Variants in TMEM132D observed in about 807,000 individuals in gnomAD.
TMEM132D encodes mature OL transmembrane protein.
TMEM132D carries 21 observed loss-of-function variants against 62.3 expected under a neutral mutation model. The ratio of observed to expected loss-of-function variants is 0.34; its 90% confidence interval spans 0.24 to 0.49. TMEM132D has a LOEUF of 0.49. Among genes scored for constraint, TMEM132D ranks in the 20% least tolerant of loss-of-function variants. The probability of loss-of-function intolerance (pLI) is 0.99; values close to 1 mark genes in which losing one functional copy is unlikely to be tolerated. For synonymous variants in TMEM132D, 621 were observed against 575.6 expected, an observed-to-expected ratio of 1.08 and a Z score of -1.13; for missense variants, 1,346 against 1,402.8, an observed-to-expected ratio of 0.96 and a Z score of 0.65.
intron 2 of TMEM132D, among the ~76,000 whole-genome samples, chr12:129,693,690 C>CAG (rs1881120449): frequency 3.9e-5 from 6 of 152,138 alleles, no homozygotes; most frequent in Admixed American, 3.9e-4. Flanking sequence ...GCTCATTGAG[C>CAG]AGAGCACTCT....
At chr12:129,440,556 A>G (rs1326610397) in intron 3 of TMEM132D, among the ~76,000 whole-genome samples, 1 of 152,194 alleles carries the variant, frequency 6.6e-6, no homozygotes, top group Admixed American at 6.6e-5. Flanking sequence ...CACTTCTCAT[A>G]TATCCCATAA....
chr12:129,239,356 G>T (rs1879871853), intron 4 of TMEM132D, among the ~76,000 whole-genome samples: 1 of 152,086 alleles, frequency 6.6e-6, no homozygotes, highest in Non-Finnish European at 1.5e-5. Context: ...TTACATTTAG[G>T]TCTTTAATCT....
intron 2 of TMEM132D, among the ~76,000 whole-genome samples, chr12:129,537,944 A>G (rs1876449699): frequency 1.3e-5 from 2 of 152,204 alleles, no homozygotes; most frequent in African/African-American, 4.8e-5. Context: ...GAAAACTCAA[A>G]ACTGCAGAGT....
chr12:129,482,643 T>C (rs1459848632), intron 3 of TMEM132D, among the ~76,000 whole-genome samples: 1 of 152,126 alleles, frequency 6.6e-6, no homozygotes, highest in South Asian at 2.1e-4. Flanking sequence ...ATGAAGAAAA[T>C]GGTACAGCAA....
chr12:129,228,619 G>A (rs1879547985), intron 4 of TMEM132D, among the ~76,000 whole-genome samples: 1 of 152,084 alleles, frequency 6.6e-6, no homozygotes, highest in Admixed American at 6.6e-5. Flanking sequence ...TGTGATGTGT[G>A]GTCTTTTGAG....
intron 3 of TMEM132D, among the ~76,000 whole-genome samples, chr12:129,530,583 C>G (rs1433045303): frequency 6.6e-6 from 1 of 152,228 alleles, no homozygotes; most frequent in African/African-American, 2.4e-5. Flanking sequence ...AGATAGTTCA[C>G]TGTACCATCA....
chr12:129,686,458 T>C (rs1461655821), intron 2 of TMEM132D, among the ~76,000 whole-genome samples: 1 of 152,208 alleles, frequency 6.6e-6, no homozygotes, highest in Non-Finnish European at 1.5e-5. Flanking sequence ...CTGCCATGAT[T>C]GTAGGTTTCC....
At chr12:129,657,946 G>C (rs768249648) in intron 2 of TMEM132D, among the ~76,000 whole-genome samples, 13 of 152,226 alleles carry the variant, frequency 8.5e-5, no homozygotes, top group Non-Finnish European at 1.8e-4. Flanking sequence ...ACAAGGCTAG[G>C]TTCTGAGTTG....
At chr12:129,340,921 A>T (rs931058326) in intron 3 of TMEM132D, among the ~76,000 whole-genome samples, 2 of 152,206 alleles carry the variant, frequency 1.3e-5, no homozygotes, top group Non-Finnish European at 2.9e-5. Flanking sequence ...GATTTTCTGG[A>T]AAGATTCCTT....
intron 3 of TMEM132D, among the ~76,000 whole-genome samples, chr12:129,508,000 A>T (rs1875389513): frequency 6.6e-6 from 1 of 151,968 alleles, no homozygotes; most frequent in South Asian, 2.1e-4. Flanking sequence ...TCTTTTGTGT[A>T]CTCCTGAGTA....
chr12:129,810,011 C>T (rs535334200), intron 1 of TMEM132D, among the ~76,000 whole-genome samples: 20 of 151,992 alleles, frequency 1.3e-4, no homozygotes, highest in Non-Finnish European at 2.8e-4. Context: ...TGGAAAAGCA[C>T]GTATAATTAG....
At chr12:129,159,454 C>T (rs1476765964) in intron 5 of TMEM132D, among the ~76,000 whole-genome samples, 1 of 152,052 alleles carries the variant, frequency 6.6e-6, no homozygotes, top group East Asian at 1.9e-4. Context: ...ATGACATATG[C>T]ATAATAGAAA....
chr12:129,483,048 C>T (rs1002910000), intron 3 of TMEM132D, among the ~76,000 whole-genome samples: 4 of 150,662 alleles, frequency 2.7e-5, no homozygotes, highest in Non-Finnish European at 4.4e-5. Flanking sequence ...CCTTTTACTG[C>T]GAAATTCAAA....
chr12:129,196,057 G>C (rs1371327134), intron 5 of TMEM132D, among the ~76,000 whole-genome samples: 1 of 152,110 alleles, frequency 6.6e-6, no homozygotes, highest in Non-Finnish European at 1.5e-5. Flanking sequence ...AACCCAGGAA[G>C]TGGAGGCTAC....
chr12:129,743,453 T>G (rs979833475), intron 1 of TMEM132D, among the ~76,000 whole-genome samples: 1 of 152,198 alleles, frequency 6.6e-6, no homozygotes, highest in South Asian at 2.1e-4. Context: ...CCCGCCACCA[T>G]GTGAAGAAGA....
At chr12:129,558,687 T>C (rs982566421) in intron 2 of TMEM132D, among the ~76,000 whole-genome samples, 1 of 152,154 alleles carries the variant, frequency 6.6e-6, no homozygotes, top group Admixed American at 6.5e-5. Flanking sequence ...CAGAAGAGAA[T>C]GTAAAGGGAG....
At chr12:129,381,333 G>A (rs564726952) in intron 3 of TMEM132D, among the ~76,000 whole-genome samples, 1 of 152,288 alleles carries the variant, frequency 6.6e-6, no homozygotes, top group South Asian at 2.1e-4. Flanking sequence ...AAAAGAGGGA[G>A]ATTAGGCTCT....
chr12:129,317,693 A>C (rs1270919821), intron 4 of TMEM132D, among the ~76,000 whole-genome samples: 2 of 152,202 alleles, frequency 1.3e-5, no homozygotes, highest in African/African-American at 4.8e-5. Context: ...CTAGCTCTCT[A>C]GCAAGGCCAG....
chr12:129,373,983 T>C (rs951606493), intron 3 of TMEM132D, among the ~76,000 whole-genome samples: 1 of 152,104 alleles, frequency 6.6e-6, no homozygotes, highest in African/African-American at 2.4e-5. Context: ...TTCTAAAGCC[T>C]AAGGCCTTAG....
Sources: gnomAD v4.1 joint callset for allele counts (sites outside exome capture counted in the v4.1 genomes callset) on GRCh38, gnomAD v4.1.1 for gene constraint, MANE v1.5 for transcripts, NCBI Gene and HGNC (gene_info 2026-07-23, HGNC 2026-07-21) for gene names.